The following CARD10 variants were observed in gnomAD, a reference collection of about 807,000 sequenced individuals.
CARD10 encodes caspase recruitment domain family member 10.
CARD10 carries 49 observed loss-of-function variants against 114.6 expected under a neutral mutation model. That is an observed-to-expected ratio of 0.43 (90% CI 0.34 to 0.54). The LOEUF (loss-of-function observed/expected upper bound fraction) is 0.54. CARD10 is among the 20% of genes least tolerant of loss of function. The pLI is 0.03. For synonymous variants in CARD10, 602 were observed against 593.2 expected, an observed-to-expected ratio of 1.01 and a Z score of -0.21; for missense variants, 1,206 against 1,397.2, an observed-to-expected ratio of 0.86 and a Z score of 2.18.
chr22:37,509,259 C>A, intron 4 of CARD10: 1 of 928,356 alleles, frequency 1.1e-6, no homozygotes, highest in Non-Finnish European at 1.5e-6. Flanking sequence ...CCGCAGGACA[C>A]TAAGCAAGCC....
chr22:37,503,874 C>T (rs759421163), intron 9 of CARD10, among the ~76,000 whole-genome samples: 54 of 152,286 alleles, frequency 3.5e-4, no homozygotes, highest in Admixed American at 3.9e-4. Context: ...ACATTCTCCA[C>T]GCCCCCTAGT....
rs1217698567 is a variant in CARD10, at chr22:37,516,014, TCTC to T, written c.655_657del (p.Glu219del). On this transcript the variant is annotated inframe_deletion, in exon 3 of 20. Transcript: ENST00000251973. Reference sequence around the variant, plus strand: ...CGGCTGCGAAGTACAGCCGAGTTCTTCTCCTCACTGAGCTGTGCCAGGCGCATG... The same window carrying T: ...CGGCTGCGAAGTACAGCCGAGTTCTTCTCACTGAGCTGTGCCAGGCGCATG... 4 of 1,600,518 alleles carry T rather than the reference TCTC, an allele frequency of 2.5e-6. No individual in the cohort carries two copies. The highest frequency in any genetic ancestry group is 2.2e-5 in the South Asian group (2 of 89,168).
At position 37,519,283 on chromosome 22, in the gene CARD10, C is replaced by A. The variant is rs1923951503; in HGVS notation, c.-83G>T. ...AGGGCTAGATGTGCGGCCAAGCACC[C>A]CCGGGGCGTCGTCCGCAGACCCGCC... On this transcript the variant is annotated 5_prime_UTR_variant, in exon 1 of 20. Coordinates refer to ENST00000251973, the MANE Select transcript of CARD10 (RefSeq NM_014550.4). The surrounding 1 kb of genome is among the most constrained non-coding windows in gnomAD (Gnocchi z 4.1). The A allele has an allele frequency of 5.9e-6, 8 of 1,364,970 alleles. No homozygotes were observed. Among genetic ancestry groups the A allele is most frequent in the Non-Finnish European group, 7.5e-6 (8 of 1,062,522 alleles). 84.6% of individuals were successfully genotyped at this position (1,364,970 alleles called of 1,614,324 possible).
At position 37,496,956 on chromosome 22, in the gene CARD10, G is replaced by C; in HGVS notation, c.1947+63C>G. On this transcript the variant is annotated intron_variant, in intron 12 of 19. Coordinates refer to ENST00000251973, the MANE Select transcript of CARD10 (RefSeq NM_014550.4). This position sits in a 1 kb window ranked among gnomAD's most constrained non-coding sequence, Gnocchi z 4.1. ...CGGTGATCTTGATCCACCAAATTAA[G>C]GGATGTCCAGCCTGGGCAAAAGCAC... 6.6e-7 allele frequency: 1 copy of C among 1,503,844 alleles called. No individual in the cohort carries two copies. Among genetic ancestry groups the C allele is most frequent in the Non-Finnish European group, 8.9e-7 (1 of 1,121,786 alleles). The allele number at this position is 1,503,844 out of a possible 1,614,324, so 93.2% of individuals were successfully genotyped here. A position where few individuals can be genotyped will look rare whatever the true frequency, so the allele number is the denominator to read the frequency against.
chr22:37,501,437 C>CA lies in CARD10; in HGVS notation c.1787+1164dup, dbSNP rs5845346. On this transcript the variant is annotated intron_variant, in intron 11 of 19. Transcript: ENST00000251973. The surrounding 1 kb of genome is among the most constrained non-coding windows in gnomAD (Gnocchi z 5.4). ...CCCCGAGAAGCACGTCCTGCACAGG[C>CA]AAAAACAATGTCTCGCTGAGCCCAC... Among the ~76,000 whole-genome samples the CA allele has an allele frequency of 0.21, 32,539 of 152,022 alleles. 3,729 individuals are homozygous for CA. Among genetic ancestry groups the CA allele is most frequent in the Middle Eastern group, 0.34 (100 of 294 alleles).
At position 37,502,606 on chromosome 22, in the gene CARD10, T is replaced by G; in HGVS notation, c.1783A>C (p.Asn595His). The change falls in exon 11 of 20, where the codon AAC becomes CAC. Residue 595 changes from asparagine (N) to histidine (H), a missense_variant. Coordinates refer to ENST00000251973, the MANE Select transcript of CARD10 (RefSeq NM_014550.4). ...LARGCGLDFL[N>H]RSLAIRVSGR... ...CACTGCAGGCAGCTACAGTACCTGT[T>G]GAGGAAGTCCAGGCCACAGCCCCGA... is the stretch of plus-strand genomic sequence containing the variant. 1 of 1,613,648 alleles carries G rather than the reference T, an allele frequency of 6.2e-7. No homozygotes were observed.
intron 11 of CARD10, among the ~76,000 whole-genome samples, chr22:37,499,674 C>A (rs1923142044): frequency 6.6e-6 from 1 of 152,140 alleles, no homozygotes; most frequent in Admixed American, 6.5e-5. Flanking sequence ...CCCTTGCCAA[C>A]CTCCTCAAAG....
At chr22:37,504,534 T>C in intron 8 of CARD10, 101 bp downstream of exon 8, 2 of 1,447,614 alleles carry the variant, frequency 1.4e-6, no homozygotes, top group South Asian at 3.3e-5. Context: ...TGCGCCTCAG[T>C]GTCCTCACCT....
At chr22:37,515,912 C>T (rs1004962649) in intron 3 of CARD10, 61 bp downstream of exon 3, 4 of 1,376,868 alleles carry the variant, frequency 2.9e-6, no homozygotes, top group Non-Finnish European at 4.0e-6. Context: ...GGCTGGCTGG[C>T]TACTACATTG....
chr22:37,518,799 G>C (rs1321074709), intron 1 of CARD10, among the ~76,000 whole-genome samples, 167 bp downstream of exon 1: 1 of 152,214 alleles, frequency 6.6e-6, no homozygotes, highest in East Asian at 1.9e-4. Flanking sequence ...CGCAGTGGTG[G>C]GTGGGGAGGA....
chr22:37,498,752 C>G, intron 11 of CARD10, among the ~76,000 whole-genome samples: 1 of 152,218 alleles, frequency 6.6e-6, no homozygotes, highest in East Asian at 1.9e-4. Flanking sequence ...TATGCTGGCC[C>G]TGGCTTTGTG....
In CARD10 at chr22:37,491,417, G is replaced by A. The variant is rs368313341; in HGVS notation, c.2865-24C>T. ...CCCTGCCGAGAGAAGAGTGAGCAGCGGTCAAAGTGGGGGACCAAGACAGAC... is the reference window on the plus strand; with the variant it reads ...CCCTGCCGAGAGAAGAGTGAGCAGCAGTCAAAGTGGGGGACCAAGACAGAC... On this transcript the variant is annotated intron_variant, in intron 19 of 19. Transcript: ENST00000251973. 2.7e-5 allele frequency: 38 copies of A among 1,433,856 alleles called. No homozygotes were observed. The African/African-American group carries it at 3.7e-4, about 14-fold the overall frequency. The allele number at this position is 1,433,856 out of a possible 1,614,324, so 88.8% of individuals were successfully genotyped here.
chr22:37,492,797 C>G lies in CARD10; in HGVS notation c.2482G>C (p.Glu828Gln). Residue 828 changes from glutamate to glutamine, a missense_variant, in exon 17 of 20, where the codon GAG becomes CAG. This residue lies in a region of CARD10 where 1,068 missense variants were observed against 1,179.1 expected (regional missense o/e 0.91). Transcript: ENST00000251973. This position sits in a 1 kb window ranked among gnomAD's most constrained non-coding sequence, Gnocchi z 5.7. Reference sequence around the variant, plus strand: ...AAACTGTAGGGTCTGAGGCTCCGCTCCGGCTCTGTGGCAGGGGAGGGGCGC... The same window carrying G: ...AAACTGTAGGGTCTGAGGCTCCGCTGCGGCTCTGTGGCAGGGGAGGGGCGC... ...QLLLEPCAEP[E>Q]RSLRPYSLVR... 2 of 1,611,114 alleles carry G rather than the reference C, an allele frequency of 1.2e-6. No individual in the cohort carries two copies. The highest frequency in any genetic ancestry group is 2.2e-5 in the South Asian group (2 of 91,040).
intron 6 of CARD10, among the ~76,000 whole-genome samples, chr22:37,506,604 G>A (rs921868430): frequency 3.9e-5 from 6 of 152,178 alleles, no homozygotes; most frequent in African/African-American, 1.4e-4. Flanking sequence ...CTGCAGACTG[G>A]GGAAACCAAG....
chr22:37,504,335 A>G (rs983476406), intron 8 of CARD10, 34 bp from the exon 9 acceptor site: 1 of 1,380,850 alleles, frequency 7.2e-7, no homozygotes, highest in African/African-American at 1.4e-5. Context: ...GGTCACCCCC[A>G]CTGCCCAGCA....
chr22:37,500,267 T>C (rs936916165), intron 11 of CARD10, among the ~76,000 whole-genome samples: 5 of 152,180 alleles, frequency 3.3e-5, no homozygotes, highest in African/African-American at 1.2e-4. Context: ...CAATGACTTA[T>C]GGGAACCCTC....
At position 37,513,268 on chromosome 22, in the gene CARD10, G is replaced by A. The variant is rs949430777; in HGVS notation, c.699+2705C>T. On this transcript the variant is annotated intron_variant, in intron 3 of 19. Transcript: ENST00000251973. ...TGAGACCACAGGTGCATGCCACCAC[G>A]CCCGGCTAATTTTTTGTATTTTTAG... 2.0e-5 allele frequency among the ~76,000 whole-genome samples: 3 copies of A among 152,034 alleles called. No homozygotes were observed. The East Asian group carries it at 5.8e-4, about 29-fold the overall frequency.
rs750715809 is a variant in CARD10, at chr22:37,495,534, G to C, written c.2356C>G (p.Arg786Gly). ...GTGCTCACATTACTGCGGGGGCCTC[G>C]GTGCCGGCTGGAGGGCAGGCATTTC... ...QEKCLPSSRH[R>G]GPRSNLKKRA... is the part of the protein sequence containing the mutation. Residue 786 changes from arginine to glycine, a missense_variant, in exon 15 of 20, where the codon CGA becomes GGA. By Grantham distance (125) the Arg-to-Gly change is moderately radical (BLOSUM62 -2). Around this residue, in one of 2 missense-constraint regions of CARD10, gnomAD observed 1,068 missense variants for 1,179.1 expected, o/e 0.91. Coordinates refer to ENST00000251973, the MANE Select transcript of CARD10 (RefSeq NM_014550.4). 3 of 1,612,390 alleles carry C rather than the reference G, an allele frequency of 1.9e-6. No homozygotes were observed. The highest frequency in any genetic ancestry group is 1.7e-5 in the Admixed American group (1 of 59,792).
rs530904244 is a variant in CARD10 at position 37,495,757 on chromosome 22, C to T, written c.2303+3G>A. The T allele has an allele frequency of 6.2e-7, 1 of 1,613,780 alleles. No individual in the cohort carries two copies. The highest frequency in any genetic ancestry group is 1.7e-5 in the Admixed American group (1 of 60,032). On this transcript the variant is annotated splice_donor_region_variant and intron_variant, in intron 14 of 19. Transcript: ENST00000251973. ...CCATCCCCAGCTCCTGGCTCTGCGT[C>T]ACCTCTGATAATTGGGCACGGTGCC...
Sources: allele counts gnomAD v4.1 joint callset (sites outside exome capture counted in the v4.1 genomes callset), GRCh38; gene constraint gnomAD v4.1.1; regional missense constraint gnomAD v4.1.1; non-coding constraint Gnocchi (gnomAD v3.1); transcripts MANE v1.5; gene names NCBI Gene and HGNC (gene_info 2026-07-23, HGNC 2026-07-21).